CELSR1: variants seen among roughly 807,000 people sequenced by gnomAD.
CELSR1 encodes the protein cadherin EGF LAG seven-pass G-type receptor 1.
A neutral mutation model predicts 249.1 loss-of-function variants in CELSR1; 110 were observed. That is an observed-to-expected ratio of 0.44 (90% confidence interval 0.38 to 0.52). The LOEUF is 0.52. CELSR1 is among the 20% of genes least tolerant of loss of function. The pLI is 0.00. For synonymous variants in CELSR1, 2,113 were observed against 1,900.0 expected, an observed-to-expected ratio of 1.11 and a Z score of -2.92; for missense variants, 4,109 against 4,296.4, an observed-to-expected ratio of 0.96 and a Z score of 1.22.
At position 46,409,347 on chromosome 22, in the gene CELSR1, G is replaced by C. The variant is rs1274649557; in HGVS notation, c.5060-185C>G. Among the ~76,000 whole-genome samples, 1 of 152,216 alleles carries C rather than the reference G, an allele frequency of 6.6e-6. No individual in the cohort carries two copies. Among genetic ancestry groups the C allele is most frequent in the Non-Finnish European group, 1.5e-5 (1 of 68,032 alleles). On this transcript the variant is annotated intron_variant, in intron 8 of 34. Transcript: ENST00000674500. This position sits in a 1 kb window ranked among gnomAD's most constrained non-coding sequence, Gnocchi z 9.8. ...CACAGTCAGCCACGTGGGCTCCAGA[G>C]AAGCGCACCCTGGGACGTGAGCCTC...
At position 46,518,395 on chromosome 22, in the gene CELSR1, T is replaced by C. The variant is rs552953301; in HGVS notation, c.3544+15232A>G. Among the ~76,000 whole-genome samples the C allele has an allele frequency of 1.3e-3, 199 of 152,340 alleles. 2 individuals are homozygous for C. Among genetic ancestry groups the C allele is most frequent in the African/African-American group, 4.5e-3 (188 of 41,588 alleles). Reference sequence around the variant, plus strand: ...AGGGAGTGGGCTCCCACAGACCACATTGCACTGCGACAAGGCAAACCGATG... The same window carrying C: ...AGGGAGTGGGCTCCCACAGACCACACTGCACTGCGACAAGGCAAACCGATG... On this transcript the variant is annotated intron_variant, in intron 1 of 34. Coordinates refer to ENST00000674500, the MANE Select transcript of CELSR1 (RefSeq NM_001378328.1). This position sits in a 1 kb window ranked among gnomAD's most constrained non-coding sequence, Gnocchi z 5.2.
intron 1 of CELSR1, among the ~76,000 whole-genome samples, chr22:46,529,599 T>G (rs1380127550): frequency 3.3e-5 from 5 of 151,848 alleles, no homozygotes; most frequent in African/African-American, 9.7e-5. Flanking sequence ...GGTCAGGAGT[T>G]CGAGACCAGC....
At chr22:46,459,316 T>G (rs1000154276) in intron 2 of CELSR1, among the ~76,000 whole-genome samples, 4 of 152,142 alleles carry the variant, frequency 2.6e-5, no homozygotes, top group African/African-American at 9.7e-5. Flanking sequence ...AGGTTTCTTG[T>G]GGGGAAGGAA....
At chr22:46,469,167 T>C (rs2080128275) in intron 1 of CELSR1, among the ~76,000 whole-genome samples, 1 of 152,040 alleles carries the variant, frequency 6.6e-6, no homozygotes, top group South Asian at 2.1e-4. Context: ...CCAGCCTCAG[T>C]TTCCCTCCAC....
At chr22:46,489,100 A>T (rs1414906193) in intron 1 of CELSR1, among the ~76,000 whole-genome samples, 1 of 152,100 alleles carries the variant, frequency 6.6e-6, no homozygotes, top group Non-Finnish European at 1.5e-5. Flanking sequence ...CCCAAAGAAT[A>T]ACTGCAATTC....
At chr22:46,509,672 T>TGTCA (rs1300350132) in intron 1 of CELSR1, among the ~76,000 whole-genome samples, 1 of 152,162 alleles carries the variant, frequency 6.6e-6, no homozygotes, top group Non-Finnish European at 1.5e-5. Flanking sequence ...GAGACCCTGC[T>TGTCA]GTCAGCTCAA....
intron 1 of CELSR1, among the ~76,000 whole-genome samples, chr22:46,516,722 C>G (rs1237787924): frequency 6.6e-6 from 1 of 152,162 alleles, no homozygotes; most frequent in Admixed American, 6.5e-5. Context: ...TATGTGGCTC[C>G]TCCGGCCCAA....
rs1036725401 is a variant in CELSR1 at position 46,390,315 on chromosome 22, G to A, written c.6345+77C>T. ...CAACACTCCCCAGCCCAGGAGCCTC[G>A]GCCCACACAAACTCTCTCACGCATA... On this transcript the variant is annotated intron_variant, in intron 17 of 34. Transcript: ENST00000674500. The surrounding 1 kb of genome is among the most constrained non-coding windows in gnomAD (Gnocchi z 6.3). The A allele has an allele frequency of 2.7e-5, 32 of 1,204,260 alleles. No individual in the cohort carries two copies. Among genetic ancestry groups the A allele is most frequent in the Admixed American group, 6.5e-5 (3 of 45,992 alleles). The allele number at this position is 1,204,260 out of a possible 1,614,324, so 74.6% of individuals were successfully genotyped here. A position where few individuals can be genotyped will look rare whatever the true frequency, so the allele number is the denominator to read the frequency against.
In CELSR1 at chr22:46,473,633, C is replaced by T. The variant is rs940257389; in HGVS notation, c.3545-9288G>A. Among the ~76,000 whole-genome samples the T allele has an allele frequency of 6.6e-6, 1 of 152,178 alleles. No homozygotes were observed. Among genetic ancestry groups the T allele is most frequent in the Non-Finnish European group, 1.5e-5 (1 of 68,032 alleles). ...GGGGTCCAGAGTCATTCCCCGTGGC[C>T]GGCTGTGATCACATCCACAGAGCGT... On this transcript the variant is annotated intron_variant, in intron 1 of 34. Coordinates refer to ENST00000674500, the MANE Select transcript of CELSR1 (RefSeq NM_001378328.1). This position sits in a 1 kb window ranked among gnomAD's most constrained non-coding sequence, Gnocchi z 6.6.
At chr22:46,504,074 G>A (rs73453919) in intron 1 of CELSR1, among the ~76,000 whole-genome samples, 5,934 of 152,142 alleles carry the variant, frequency 0.039, 337 homozygotes, top group African/African-American at 0.12. Flanking sequence ...GACCTACATG[G>A]CAAAAGAGAC....
Position 46,390,293 on chromosome 22 carries a change from C to T in CELSR1, c.6345+99G>A. On this transcript the variant is annotated intron_variant, in intron 17 of 34. Coordinates refer to ENST00000674500, the MANE Select transcript of CELSR1 (RefSeq NM_001378328.1). The surrounding 1 kb of genome is among the most constrained non-coding windows in gnomAD (Gnocchi z 6.3). ...CCCTGCGCCATCCCAGCCGCCCCAACACTCCCCAGCCCAGGAGCCTCGGCC... is the reference window on the plus strand; with the variant it reads ...CCCTGCGCCATCCCAGCCGCCCCAATACTCCCCAGCCCAGGAGCCTCGGCC... 2.0e-6 allele frequency: 2 copies of T among 1,001,488 alleles called. No homozygotes were observed. The highest frequency in any genetic ancestry group is 2.9e-6 in the Non-Finnish European group (2 of 684,530). 62.0% of individuals were successfully genotyped at this position (1,001,488 alleles called of 1,614,324 possible). A position where few individuals can be genotyped will look rare whatever the true frequency, so the allele number is the denominator to read the frequency against.
intron 2 of CELSR1, among the ~76,000 whole-genome samples, chr22:46,457,222 G>A (rs1415324905): frequency 6.6e-6 from 1 of 152,094 alleles, no homozygotes; most frequent in Non-Finnish European, 1.5e-5. Context: ...GTGCATGCCT[G>A]TAATCCCAGC....
In CELSR1 at chr22:46,378,705, C is replaced by T. The variant is rs759596048; in HGVS notation, c.7269G>A (p.Thr2423=). The T allele has an allele frequency of 1.3e-5, 21 of 1,612,476 alleles. No individual in the cohort carries two copies. In the East Asian group the frequency reaches 1.3e-4, roughly 10 times the overall value. ...FWNHSLAVGG[T]GGWSARGCEL... ...CGCAGCCCCGGGCAGACCACCCTCC[C>T]GTCCCACCAACGCTGCGGAGAGGAC... Residue 2423 remains threonine (T), a synonymous_variant, in exon 23 of 35, where the codon ACG becomes ACA. Coordinates refer to ENST00000674500, the MANE Select transcript of CELSR1 (RefSeq NM_001378328.1).
chr22:46,528,411 C>T (rs982741729), intron 1 of CELSR1, among the ~76,000 whole-genome samples: 1 of 152,148 alleles, frequency 6.6e-6, no homozygotes, highest in Non-Finnish European at 1.5e-5. Context: ...CAATCATTCT[C>T]ACCCACAAAC....
At chr22:46,369,603 G>T in intron 26 of CELSR1, 89 bp downstream of exon 26, 4 of 1,227,250 alleles carry the variant, frequency 3.3e-6, no homozygotes, top group Non-Finnish European at 4.7e-6. Flanking sequence ...GCTGCTCAGA[G>T]GAGTTGGTGG....
intron 25 of CELSR1, among the ~76,000 whole-genome samples, chr22:46,371,557 A>G (rs2078851526): frequency 6.6e-6 from 1 of 151,594 alleles, no homozygotes; most frequent in African/African-American, 2.4e-5. Flanking sequence ...CACTCATCCC[A>G]TCCACCCACT....
intron 1 of CELSR1, among the ~76,000 whole-genome samples, chr22:46,531,637 G>A (rs988051390): frequency 7.9e-5 from 12 of 152,172 alleles, no homozygotes; most frequent in Admixed American, 2.0e-4. Context: ...GTGGTTTAAC[G>A]CCGAGTGCCC....
intron 18 of CELSR1, among the ~76,000 whole-genome samples, chr22:46,387,662 AG>A (rs1379430941): frequency 6.6e-6 from 1 of 152,106 alleles, no homozygotes; most frequent in East Asian, 1.9e-4. Flanking sequence ...CCCGGCCAGA[AG>A]TCATTTTTTA....
Position 46,374,576 on chromosome 22 carries a change from G to A in CELSR1, c.7585-1519C>T, listed in dbSNP as rs961052719. 6.6e-6 allele frequency among the ~76,000 whole-genome samples: 1 copy of A among 152,118 alleles called. No homozygotes were observed. The highest frequency in any genetic ancestry group is 2.4e-5 in the African/African-American group (1 of 41,408). Reference sequence around the variant, plus strand: ...CCTTTCCTTCTCCATGCTCAGCCGTGCGTGGCTGCCGGGACAGCGCTCACT... The same window carrying A: ...CCTTTCCTTCTCCATGCTCAGCCGTACGTGGCTGCCGGGACAGCGCTCACT... On this transcript the variant is annotated intron_variant, in intron 24 of 34. Coordinates refer to ENST00000674500, the MANE Select transcript of CELSR1 (RefSeq NM_001378328.1). The surrounding 1 kb of genome is among the most constrained non-coding windows in gnomAD (Gnocchi z 4.3).
Sources: allele counts gnomAD v4.1 joint callset (sites outside exome capture counted in the v4.1 genomes callset), GRCh38; gene constraint gnomAD v4.1.1; non-coding constraint Gnocchi (gnomAD v3.1); transcripts MANE v1.5; gene names NCBI Gene and HGNC (gene_info 2026-07-23, HGNC 2026-07-21).